Variants in FAM13B observed in about 807,000 individuals in gnomAD.
The protein encoded by FAM13B is protein FAM13B.
A neutral mutation model predicts 117.3 loss-of-function variants in FAM13B; 60 were observed. The observed-to-expected ratio is 0.51, with a 90% CI of 0.42 to 0.63. The LOEUF (loss-of-function observed/expected upper bound fraction) is 0.63. FAM13B is among the 30% of genes least tolerant of loss of function. The pLI is 0.00. For synonymous variants in FAM13B, 332 were observed against 356.1 expected (o/e 0.93, Z 0.76); for missense variants, 972 against 1,091.9 (o/e 0.89, Z 1.55).
intron 7 of FAM13B, among the ~76,000 whole-genome samples, chr5:137,995,652 T>C (rs1779674714): frequency 6.6e-6 from 1 of 152,172 alleles, no homozygotes; most frequent in Non-Finnish European, 1.5e-5. Flanking sequence ...CAAAAATCCT[T>C]TCCTAACTTT....
At chr5:137,957,551 A>AG in intron 13 of FAM13B, among the ~76,000 whole-genome samples, 1 of 151,964 alleles carries the variant, frequency 6.6e-6, no homozygotes, top group East Asian at 1.9e-4. Context: ...AAAAAAAAAA[A>AG]AAAAAAAAAA....
At chr5:137,954,439 C>A in intron 14 of FAM13B, 63 bp from the exon 15 acceptor site, 1 of 1,313,428 alleles carries the variant, frequency 7.6e-7, no homozygotes, top group Non-Finnish European at 1.1e-6. Context: ...AAAAAAGTCA[C>A]AAAATATCAG....
chr5:138,000,911 C>CT (rs1319115449), intron 7 of FAM13B, among the ~76,000 whole-genome samples: 10 of 127,918 alleles, frequency 7.8e-5, no homozygotes, highest in African/African-American at 2.9e-4. Context: ...GCCTGGGCGA[C>CT]AGAGCAAGAC....
At chr5:138,022,221 T>C (rs1414079141) in intron 1 of FAM13B, among the ~76,000 whole-genome samples, 2 of 152,182 alleles carry the variant, frequency 1.3e-5, no homozygotes, top group African/African-American at 4.8e-5. Flanking sequence ...CTCTCTCTTC[T>C]TTGCATAATG....
Position 138,045,965 on chromosome 5 carries a change from A to G in FAM13B, c.-203+5913T>C, listed in dbSNP as rs535609508. ...CATCTCAAAAAAAAAAAAAAATTATAAAGAGTATGATGTGGTTTGGCTGTG... is the reference window on the plus strand; with the variant it reads ...CATCTCAAAAAAAAAAAAAAATTATGAAGAGTATGATGTGGTTTGGCTGTG... On this transcript the variant is annotated intron_variant, in intron 1 of 3. Transcript: ENST00000502471. 3.9e-4 allele frequency among the ~76,000 whole-genome samples: 59 copies of G among 150,648 alleles called. No homozygotes were observed. In the Middle Eastern group the frequency reaches 0.014, roughly 35 times the overall value.
At chr5:137,989,032 T>C (rs1215300249) in intron 7 of FAM13B, among the ~76,000 whole-genome samples, 1 of 152,204 alleles carries the variant, frequency 6.6e-6, no homozygotes, top group South Asian at 2.1e-4. Context: ...TTTTAAAAAA[T>C]CATTTATCAG....
chr5:138,032,929 C>T lies in FAM13B; in HGVS notation c.-350G>A, dbSNP rs968578547. ...GGCCGCTGACGGGAGGTTAAAGCTA[C>T]GGCTGTGGCGCGGGGCCAGCCCGGT... On this transcript the variant is annotated 5_prime_UTR_variant, in exon 1 of 24. Coordinates refer to ENST00000689681, the MANE Select transcript of FAM13B (RefSeq NM_001385994.1). 12 of 985,930 alleles carry T rather than the reference C, an allele frequency of 1.2e-5. No individual in the cohort carries two copies. In the East Asian group the frequency reaches 9.1e-4, roughly 74 times the overall value. The allele number at this position is 985,930 out of a possible 1,614,324, so 61.1% of individuals were successfully genotyped here. A position where few individuals can be genotyped will look rare whatever the true frequency, so the allele number is the denominator to read the frequency against.
chr5:137,943,047 A>G lies in FAM13B; in HGVS notation c.2425-9T>C, dbSNP rs1317004414. ...CCATCTTCTTCTTCCTCCTAAAAAG[A>G]TATCCAAACAGAGAATCAAACATGC... On this transcript the variant is annotated splice_polypyrimidine_tract_variant and intron_variant, in intron 21 of 23. Coordinates refer to ENST00000689681, the MANE Select transcript of FAM13B (RefSeq NM_001385994.1). 14 of 1,612,580 alleles carry G rather than the reference A, an allele frequency of 8.7e-6. No homozygotes were observed. The highest frequency in any genetic ancestry group is 1.1e-5 in the Non-Finnish European group (13 of 1,179,436).
chr5:138,003,613 G>A (rs1037510557), intron 7 of FAM13B, among the ~76,000 whole-genome samples: 3 of 152,092 alleles, frequency 2.0e-5, no homozygotes, highest in Non-Finnish European at 2.9e-5. Flanking sequence ...TTTCCCATGG[G>A]AAACTAGCTC....
chr5:137,957,540 C>CAAAA (rs35104775), intron 13 of FAM13B, among the ~76,000 whole-genome samples: 1 of 55,420 alleles, frequency 1.8e-5, no homozygotes, highest in African/African-American at 6.0e-5. Flanking sequence ...AACTCCGTCT[C>CAAAA]AAAAAAAAAA....
chr5:138,029,684 A>G (rs896087885), intron 1 of FAM13B, among the ~76,000 whole-genome samples: 5 of 152,204 alleles, frequency 3.3e-5, no homozygotes, highest in East Asian at 1.9e-4. Flanking sequence ...GCTCACCCCA[A>G]TGCAAAATGA....
chr5:137,941,972 C>T lies in FAM13B; in HGVS notation c.2662G>A (p.Glu888Lys). 1 of 1,614,050 alleles carries T rather than the reference C, an allele frequency of 6.2e-7. No homozygotes were observed. Among genetic ancestry groups the T allele is most frequent in the Non-Finnish European group, 8.5e-7 (1 of 1,179,996 alleles). The change falls in exon 23 of 24, where the codon GAA becomes AAA. Residue 888 changes from glutamate (E) to lysine (K), a missense_variant. Transcript: ENST00000689681. ...KKLRKTLREFEEAFYQQNGRN... is the reference protein window; with the variant it reads ...KKLRKTLREFKEAFYQQNGRN... ...CCATTTTGTTGATAAAATGCTTCTT[C>T]AAATTCCCGCAACGTTTTGCGTAGT...
chr5:137,949,127 TTAC>T lies in FAM13B; in HGVS notation c.1985_1987del (p.Ser662del). ...AGAGCCAAAGCTTTTTGGAAGTGTGTTACTACGTGGACGTGTCTGAGGTACAAA... is the reference window on the plus strand; with the variant it reads ...AGAGCCAAAGCTTTTTGGAAGTGTGTTACGTGGACGTGTCTGAGGTACAAA... On this transcript the variant is annotated inframe_deletion, in exon 18 of 24. Coordinates refer to ENST00000689681, the MANE Select transcript of FAM13B (RefSeq NM_001385994.1). The T allele has an allele frequency of 6.2e-7, 1 of 1,614,184 alleles. No individual in the cohort carries two copies. The highest frequency in any genetic ancestry group is 8.5e-7 in the Non-Finnish European group (1 of 1,180,040).
intron 1 of FAM13B, among the ~76,000 whole-genome samples, chr5:138,051,024 G>A (rs115377920): frequency 5.9e-5 from 9 of 152,006 alleles, no homozygotes; most frequent in African/African-American, 1.7e-4. Context: ...ATATTAGTGG[G>A]GGGGGGAGAA....
chr5:137,972,693 T>C (rs1772601951), intron 10 of FAM13B, among the ~76,000 whole-genome samples: 2 of 151,948 alleles, frequency 1.3e-5, no homozygotes, highest in African/African-American at 2.4e-5. Flanking sequence ...GACGACATGA[T>C]TGTATATCTA....
At position 137,949,097 on chromosome 5, in the gene FAM13B, A is replaced by T. The variant is rs758015805; in HGVS notation, c.2018T>A (p.Leu673Gln). ...TTCATTCTCTTCATCTTCATGGTCT[A>T]GAGAAGAGCCAAAGCTTTTTGGAAG... ...NTLPKSFGSSLDHEDEENEDE... is the reference protein window; with the variant it reads ...NTLPKSFGSSQDHEDEENEDE... Residue 673 changes from leucine (L) to glutamine (Q), a missense_variant, in exon 18 of 24, where the codon CTA (leucine) becomes CAA (glutamine). Leu to Gln is a moderately radical substitution (Grantham distance 113, BLOSUM62 -2). Coordinates refer to ENST00000689681, the MANE Select transcript of FAM13B (RefSeq NM_001385994.1). The T allele has an allele frequency of 1.2e-6, 2 of 1,614,092 alleles. No individual in the cohort carries two copies. The highest frequency in any genetic ancestry group is 2.2e-5 in the South Asian group (2 of 91,082).
Position 137,988,287 on chromosome 5 carries a change from G to T in FAM13B, c.877C>A (p.Pro293Thr), listed in dbSNP as rs896772442. The change falls in exon 8 of 24, where the codon CCA becomes ACA. Residue 293 changes from proline (P) to threonine (T), a missense_variant. Physicochemically the swap from Pro to Thr is conservative, Grantham distance 38. Transcript: ENST00000689681. ...TATACTACTTACTCTGTAGAGGCTG[G>T]TAGGATGCTGATGGGAGATATATGG... ...STHISPISIL[P>T]ASTDILERTI... is the part of the protein sequence containing the mutation. 3 of 1,554,102 alleles carry T rather than the reference G, an allele frequency of 1.9e-6. No individual in the cohort carries two copies. The highest frequency in any genetic ancestry group is 2.6e-6 in the Non-Finnish European group (3 of 1,161,082).
rs373885448 is a variant in FAM13B at position 137,966,459 on chromosome 5, T to TTATATA, written c.1180-3996_1180-3991dup. Among the ~76,000 whole-genome samples, 145 of 50,232 alleles carry TTATATA rather than the reference T, an allele frequency of 2.9e-3. 4 individuals carry two copies. Among genetic ancestry groups the TTATATA allele is most frequent in the Non-Finnish European group, 3.1e-3 (86 of 28,136 alleles). 33.0% of individuals were successfully genotyped at this position (50,232 alleles called of 152,430 possible). ...AAAAAAAAAAAGAAAGAAATAGATTTTATATATATATATATATATATATAT... is the reference window on the plus strand; with the variant it reads ...AAAAAAAAAAAGAAAGAAATAGATTTTATATATATATATATATATATATATATATAT... On this transcript the variant is annotated intron_variant, in intron 10 of 23. Coordinates refer to ENST00000689681, the MANE Select transcript of FAM13B (RefSeq NM_001385994.1).
At position 138,045,518 on chromosome 5, in the gene FAM13B, G is replaced by C. The variant is rs529037707; in HGVS notation, c.-203+6360C>G. Among the ~76,000 whole-genome samples, 4 of 151,934 alleles carry C rather than the reference G, an allele frequency of 2.6e-5. No individual in the cohort carries two copies. The South Asian group carries it at 8.4e-4, about 32-fold the overall frequency. The stretch of plus-strand genomic sequence containing the variant: ...ATTGCACTTCAGCCTGGGCAACAGA[G>C]CCAGACCCCATCTCAAAAACAAAAA... On this transcript the variant is annotated intron_variant, in intron 1 of 3. Transcript: ENST00000502471.
Sources: allele counts gnomAD v4.1 joint callset (sites outside exome capture counted in the v4.1 genomes callset), GRCh38; gene constraint gnomAD v4.1.1; transcripts MANE v1.5; gene names NCBI Gene and HGNC (gene_info 2026-07-23, HGNC 2026-07-21).